STAB2: variants seen among roughly 807,000 people sequenced by gnomAD.
The protein encoded by STAB2 is stabilin 2.
STAB2 carries 288 observed loss-of-function variants against 338.1 expected under a neutral mutation model. That is an observed-to-expected ratio of 0.85 (90% CI 0.77 to 0.94). The LOEUF (loss-of-function observed/expected upper bound fraction) is 0.94, where lower values mean the gene tolerates loss of function less well. Ranked by LOEUF, STAB2 falls within the 40% of genes least tolerant of loss-of-function variation. STAB2 has a pLI of 0.00. For synonymous variants in STAB2, 1,202 were observed against 1,193.3 expected (o/e 1.01, Z -0.15); for missense variants, 3,141 against 3,210.1 (o/e 0.98, Z 0.52).
intron 51 of STAB2, 114 bp downstream of exon 51, chr12:103,733,296 G>A: frequency 7.9e-7 from 1 of 1,271,040 alleles, no homozygotes; most frequent in South Asian, 1.4e-5. Context: ...ACCACTGTAT[G>A]CAGGAAGCCA....
chr12:103,587,722 G>A (rs561376663), intron 1 of STAB2, among the ~76,000 whole-genome samples, 165 bp downstream of exon 1: 4 of 152,296 alleles, frequency 2.6e-5, no homozygotes, highest in Admixed American at 6.5e-5. Context: ...CCATCTTTCC[G>A]AAGGTGTGCT....
intron 31 of STAB2, 87 bp from the exon 32 acceptor site, chr12:103,695,463 G>A (rs1389148278): frequency 8.3e-7 from 1 of 1,208,652 alleles, no homozygotes; most frequent in African/African-American, 1.5e-5. Context: ...GTCTAAAGAG[G>A]TTAATGGCAT....
chr12:103,755,837 AC>A, intron 63 of STAB2, 119 bp downstream of exon 63: 1 of 907,648 alleles, frequency 1.1e-6, no homozygotes, highest in Non-Finnish European at 1.7e-6. Context: ...TGGGTGCTGG[AC>A]CACCTTGCCT....
chr12:103,645,355 T>G (rs1271472260), intron 9 of STAB2, among the ~76,000 whole-genome samples: 1 of 152,240 alleles, frequency 6.6e-6, no homozygotes, highest in African/African-American at 2.4e-5. Context: ...TGATGTCTCA[T>G]GCATTCCATT....
In STAB2 at chr12:103,594,469, A is replaced by C. The variant is rs199545821; in HGVS notation, c.290A>C (p.Gln97Pro). ...CATATTTGTAGGAAGGACTATCTCCAACCTCGGTGTTGTCCTGGCCGCTGG... is the reference window on the plus strand; with the variant it reads ...CATATTTGTAGGAAGGACTATCTCCCACCTCGGTGTTGTCCTGGCCGCTGG... Reference protein sequence around the residue: ...CRHICRKDYLQPRCCPGRWGP... With the variant: ...CRHICRKDYLPPRCCPGRWGP... Residue 97 changes from glutamine to proline, a missense_variant, in exon 3 of 69, where the codon CAA becomes CCA. Coordinates refer to ENST00000388887, the MANE Select transcript of STAB2 (RefSeq NM_017564.10). 14 of 1,613,972 alleles carry C rather than the reference A, an allele frequency of 8.7e-6. No homozygotes were observed. In the East Asian group the frequency reaches 3.1e-4, roughly 36 times the overall value.
At chr12:103,726,052 A>G in intron 45 of STAB2, 64 bp from the exon 46 acceptor site, 1 of 1,574,196 alleles carries the variant, frequency 6.4e-7, no homozygotes, top group Non-Finnish European at 8.7e-7. Context: ...TCATCCCATG[A>G]CAACCCTGTA....
intron 17 of STAB2, among the ~76,000 whole-genome samples, chr12:103,662,063 T>A (rs1349122880): frequency 5.3e-5 from 8 of 152,194 alleles, no homozygotes; most frequent in Non-Finnish European, 1.5e-5. Context: ...TGGAGAATAC[T>A]GATGGTAACT....
intron 44 of STAB2, among the ~76,000 whole-genome samples, chr12:103,718,868 G>A (rs1285344794): frequency 6.6e-6 from 1 of 152,156 alleles, no homozygotes; most frequent in Admixed American, 6.5e-5. Flanking sequence ...TCCTTGGATG[G>A]TTATAAGTGT....
chr12:103,742,527 C>T lies in STAB2; in HGVS notation c.6004C>T (p.Pro2002Ser), dbSNP rs1352331559. The change falls in exon 56 of 69, where the codon CCG (proline) becomes TCG (serine). Residue 2002 changes from proline (P) to serine (S), a missense_variant. By Grantham distance (74) the Pro-to-Ser change is moderately conservative. Transcript: ENST00000388887. Reference sequence around the variant, plus strand: ...TGGGACGGCGTGTGAGATGTGCTGGCCGGGGAGATTCGGGCCTGATTGTCT... The same window carrying T: ...TGGGACGGCGTGTGAGATGTGCTGGTCGGGGAGATTCGGGCCTGATTGTCT... The part of the protein sequence containing the change: ...FNGTACEMCW[P>S]GRFGPDCLPC... 13 of 1,614,078 alleles carry T rather than the reference C, an allele frequency of 8.1e-6. No homozygotes were observed. Among genetic ancestry groups the T allele is most frequent in the Non-Finnish European group, 1.1e-5 (13 of 1,180,004 alleles).
Position 103,655,331 on chromosome 12 carries a change from G to GA in STAB2, c.1608+29dup, listed in dbSNP as rs775569398. The GA allele has an allele frequency of 3.7e-6, 6 of 1,608,426 alleles. No individual in the cohort carries two copies. The South Asian group carries it at 6.7e-5, about 18-fold the overall frequency. On this transcript the variant is annotated intron_variant, in intron 14 of 68. Coordinates refer to ENST00000388887, the MANE Select transcript of STAB2 (RefSeq NM_017564.10). ...AGGTAAGCACTTTTCATAATTTTCT[G>GA]AAAAATATTTATGTCAAGACTTTTG...
rs557014964 is a variant in STAB2 at position 103,688,107 on chromosome 12, A to G, written c.2998-61A>G. On this transcript the variant is annotated intron_variant, in intron 27 of 68. Transcript: ENST00000388887. ...GAGATGCACTGTGATTGCACTTCTC[A>G]TTGTTCTTTCTCTGTGTTCTCTCCC... 85 of 1,534,162 alleles carry G rather than the reference A, an allele frequency of 5.5e-5. No individual in the cohort carries two copies. In the South Asian group the frequency reaches 7.8e-4, roughly 14 times the overall value.
chr12:103,641,292 G>A (rs982718955), intron 9 of STAB2, among the ~76,000 whole-genome samples: 16 of 152,196 alleles, frequency 1.1e-4, no homozygotes, highest in Admixed American at 3.9e-4. Flanking sequence ...TGTACATGGA[G>A]TGGAAAGAGC....
intron 64 of STAB2, among the ~76,000 whole-genome samples, chr12:103,758,884 A>G (rs1884332138): frequency 6.6e-6 from 1 of 152,204 alleles, no homozygotes; most frequent in Non-Finnish European, 1.5e-5. Context: ...TGCCTACCTC[A>G]AGACACCGCT....
Position 103,717,817 on chromosome 12 carries a change from C to A in STAB2, c.4659C>A (p.Cys1553Ter). Residue 1553 changes from cysteine to a stop codon, truncating the protein, a stop_gained, in exon 44 of 69, where the codon TGC becomes TGA. Transcript: ENST00000388887. LOFTEE classifies it high-confidence loss of function. ...LPAYTGDGKV[C>*]TLINVCLTKN... ...CATACACTGGAGATGGAAAGGTCTG[C>A]ACACTCATCAATGTCTGCTTAACTG... 1.2e-6 allele frequency: 2 copies of A among 1,614,120 alleles called. No individual in the cohort carries two copies. The highest frequency in any genetic ancestry group is 1.7e-6 in the Non-Finnish European group (2 of 1,180,002).
intron 58 of STAB2, among the ~76,000 whole-genome samples, chr12:103,747,724 A>G (rs1883181566): frequency 6.6e-6 from 1 of 152,188 alleles, no homozygotes; most frequent in Non-Finnish European, 1.5e-5. Flanking sequence ...GCTGGGAGCA[A>G]TGGCTCACAC....
At chr12:103,744,689 T>C (rs1276075546) in intron 56 of STAB2, among the ~76,000 whole-genome samples, 2 of 151,174 alleles carry the variant, frequency 1.3e-5, no homozygotes, top group African/African-American at 4.9e-5. Flanking sequence ...TTGCCCAGGC[T>C]GGTCTTGACC....
intron 47 of STAB2, 52 bp downstream of exon 47, chr12:103,727,402 C>T: frequency 1.3e-6 from 2 of 1,590,930 alleles, no homozygotes; most frequent in South Asian, 1.1e-5. Context: ...GGAACATAGT[C>T]CTTGGGCCTC....
chr12:103,591,768 G>A (rs1348976307), intron 2 of STAB2, among the ~76,000 whole-genome samples: 1 of 152,128 alleles, frequency 6.6e-6, no homozygotes, highest in Non-Finnish European at 1.5e-5. Context: ...GACCTCTTGG[G>A]ATTCAAAACT....
chr12:103,626,851 G>A (rs1177260326), intron 5 of STAB2, among the ~76,000 whole-genome samples: 1 of 152,098 alleles, frequency 6.6e-6, no homozygotes, highest in Non-Finnish European at 1.5e-5. Flanking sequence ...AGATAATTTC[G>A]AGCTGCACCA....
Sources: gnomAD v4.1 joint callset for allele counts (sites outside exome capture counted in the v4.1 genomes callset) on GRCh38, gnomAD v4.1.1 for gene constraint, MANE v1.5 for transcripts, NCBI Gene and HGNC (gene_info 2026-07-23, HGNC 2026-07-21) for gene names.